The following TSGA10 variants were observed in gnomAD, a reference collection of about 807,000 sequenced individuals.
TSGA10 encodes testis specific 10.
TSGA10 carries 43 observed loss-of-function variants against 96.6 expected under a neutral mutation model. That is an observed-to-expected ratio of 0.44 (90% CI 0.35 to 0.57). The LOEUF (loss-of-function observed/expected upper bound fraction) is 0.57, where lower values mean the gene tolerates loss of function less well. TSGA10 is among the 20% of genes least tolerant of loss of function. The pLI, the probability that TSGA10 is intolerant of heterozygous loss-of-function variation, is 0.01. For synonymous variants in TSGA10, 229 were observed against 269.9 expected, an observed-to-expected ratio of 0.85 and a Z score of 1.48; for missense variants, 703 against 834.4, an observed-to-expected ratio of 0.84 and a Z score of 1.94.
intron 17 of TSGA10, among the ~76,000 whole-genome samples, chr2:99,023,281 T>A (rs2080214843): frequency 6.6e-6 from 1 of 152,212 alleles, no homozygotes; most frequent in African/African-American, 2.4e-5. Flanking sequence ...ATTAGAGGCA[T>A]GAACCACCAC....
chr2:99,142,345 G>C (rs1254745393), intron 1 of TSGA10: 1 of 152,180 alleles, frequency 6.6e-6, no homozygotes, highest in Non-Finnish European at 1.5e-5. Flanking sequence ...GTAGAACGCT[G>C]TGTATTTCAA....
intron 5 of TSGA10, among the ~76,000 whole-genome samples, chr2:99,109,750 T>C (rs139119401): frequency 0.011 from 1,628 of 152,308 alleles, 9 homozygotes; most frequent in Middle Eastern, 0.027. Flanking sequence ...TTTCTGGGTA[T>C]GCTATATTTT....
intron 13 of TSGA10, among the ~76,000 whole-genome samples, 187 bp from the exon 14 acceptor site, chr2:99,072,061 G>C (rs77067997): frequency 0.054 from 8,256 of 152,196 alleles, 426 homozygotes; most frequent in East Asian, 0.21. Flanking sequence ...CCATCATTTC[G>C]CTATGAAAAG....
intron 5 of TSGA10, among the ~76,000 whole-genome samples, chr2:99,110,098 G>A (rs2091672277): frequency 6.6e-6 from 1 of 152,186 alleles, no homozygotes; most frequent in Non-Finnish European, 1.5e-5. Flanking sequence ...CCGGGAGGCG[G>A]AGGTTGTGGT....
In TSGA10 at chr2:99,065,133, C is replaced by T; in HGVS notation, c.1219-9G>A. ...TGCCGGTTCTCAGATTCCTGAAAAG[C>T]AAACTTTAGCTATTACTTTAAAATG... is the stretch of plus-strand genomic sequence containing the variant. On this transcript the variant is annotated splice_polypyrimidine_tract_variant and intron_variant, in intron 15 of 20. Coordinates refer to ENST00000393483, the MANE Select transcript of TSGA10 (RefSeq NM_025244.4). 1 of 1,609,466 alleles carries T rather than the reference C, an allele frequency of 6.2e-7. No individual in the cohort carries two copies.
chr2:99,010,570 A>C (rs1004945276), intron 20 of TSGA10, among the ~76,000 whole-genome samples: 1 of 152,256 alleles, frequency 6.6e-6, no homozygotes, highest in Non-Finnish European at 1.5e-5. Context: ...AGCAGCAGGA[A>C]GTGCCTTGCA....
chr2:99,040,086 A>G (rs2082044374), intron 16 of TSGA10, among the ~76,000 whole-genome samples: 1 of 152,078 alleles, frequency 6.6e-6, no homozygotes, highest in Admixed American at 6.6e-5. Flanking sequence ...TATCATTAAA[A>G]CCCTCAGCAA....
At chr2:99,138,439 T>C (rs139328303) in intron 1 of TSGA10, among the ~76,000 whole-genome samples, 32 of 152,344 alleles carry the variant, frequency 2.1e-4, no homozygotes, top group Non-Finnish European at 4.3e-4. Flanking sequence ...TTATCCCTAA[T>C]GCCTTAAAAG....
At chr2:99,139,928 T>C (rs1452144132) in intron 1 of TSGA10, among the ~76,000 whole-genome samples, 2 of 152,152 alleles carry the variant, frequency 1.3e-5, no homozygotes, top group African/African-American at 2.4e-5. Flanking sequence ...TAAATAGTAA[T>C]ACCTCTAACT....
At chr2:99,014,109 T>C (rs1428208743) in intron 20 of TSGA10, among the ~76,000 whole-genome samples, 8 of 151,944 alleles carry the variant, frequency 5.3e-5, no homozygotes, top group African/African-American at 1.7e-4. Flanking sequence ...GAACCGAGAT[T>C]GTGCCATTGC....
chr2:99,042,718 T>C (rs2082318587), intron 16 of TSGA10, among the ~76,000 whole-genome samples: 3 of 152,074 alleles, frequency 2.0e-5, no homozygotes, highest in African/African-American at 7.2e-5. Context: ...CTTTTTTTTT[T>C]TTTGAGACGG....
chr2:99,122,249 T>C (rs181901402), intron 2 of TSGA10, among the ~76,000 whole-genome samples: 1 of 152,230 alleles, frequency 6.6e-6, no homozygotes, highest in East Asian at 1.9e-4. Flanking sequence ...TCTACGTTGA[T>C]TTATTTATAG....
intron 10 of TSGA10, chr2:99,102,434 G>T (rs536302759): frequency 1.9e-6 from 3 of 1,613,934 alleles, no homozygotes; most frequent in Admixed American, 1.7e-5. Flanking sequence ...TGAGAGAAAT[G>T]CAACAGCTTT....
intron 11 of TSGA10, among the ~76,000 whole-genome samples, chr2:99,079,397 A>T (rs774792404): frequency 8.5e-5 from 13 of 152,204 alleles, no homozygotes; most frequent in Non-Finnish European, 1.6e-4. Context: ...GAAGGCCTGA[A>T]TGATTGGTAC....
chr2:99,100,593 G>C (rs536044126), intron 10 of TSGA10, among the ~76,000 whole-genome samples: 22 of 152,140 alleles, frequency 1.4e-4, no homozygotes, highest in African/African-American at 4.1e-4. Context: ...GGCCGAGGCG[G>C]GCAGATCACG....
Position 99,105,339 on chromosome 2 carries a change from TTC to T in TSGA10, c.459+18_459+19del. The T allele has an allele frequency of 6.4e-7, 1 of 1,568,980 alleles. No individual in the cohort carries two copies. Among genetic ancestry groups the T allele is most frequent in the South Asian group, 1.2e-5 (1 of 83,992 alleles). On this transcript the variant is annotated intron_variant, in intron 9 of 20. Coordinates refer to ENST00000393483, the MANE Select transcript of TSGA10 (RefSeq NM_025244.4). ...GAGTGTTTATAGCCAAAAGAGACTTTTCTTTTTTTTTTTTTTTACATTATGAA... is the reference window on the plus strand; with the variant it reads ...GAGTGTTTATAGCCAAAAGAGACTTTTTTTTTTTTTTTTTTACATTATGAA...
chr2:99,084,953 T>C (rs1309372054), intron 10 of TSGA10, among the ~76,000 whole-genome samples: 1 of 151,516 alleles, frequency 6.6e-6, no homozygotes, highest in African/African-American at 2.4e-5. Flanking sequence ...GCTGGTATAT[T>C]AGAATAAGTG....
intron 13 of TSGA10, among the ~76,000 whole-genome samples, chr2:99,072,421 T>G (rs2086085246): frequency 6.6e-6 from 1 of 152,340 alleles, no homozygotes; most frequent in African/African-American, 2.4e-5. Context: ...CCAAAGGTTC[T>G]TCAAATTCAG....
intron 16 of TSGA10, among the ~76,000 whole-genome samples, chr2:99,057,423 T>C (rs2104408669): frequency 6.6e-6 from 1 of 152,262 alleles, no homozygotes. Flanking sequence ...ACAAGATCGA[T>C]ATACAAAAAT....
Sources: allele counts gnomAD v4.1 joint callset (sites outside exome capture counted in the v4.1 genomes callset), GRCh38; gene constraint gnomAD v4.1.1; transcripts MANE v1.5; gene names NCBI Gene and HGNC (gene_info 2026-07-23, HGNC 2026-07-21).